Variants in MAP4K4 observed in about 807,000 individuals in gnomAD.
The protein encoded by MAP4K4 is HPK/GCK-like kinase HGK.
MAP4K4 carries 38 observed loss-of-function variants against 189.6 expected under a neutral mutation model. The ratio of observed to expected loss-of-function variants is 0.20; its 90% CI spans 0.15 to 0.26. The LOEUF is 0.26. MAP4K4 is among the 10% of genes least tolerant of loss of function. The pLI is 1.00. For synonymous variants in MAP4K4, 610 were observed against 624.3 expected, an observed-to-expected ratio of 0.98 and a Z score of 0.34; for missense variants, 1,054 against 1,726.9, an observed-to-expected ratio of 0.61 and a Z score of 6.91.
chr2:101,790,796 A>AT lies in MAP4K4; in HGVS notation c.180+25dup. On this transcript the variant is annotated intron_variant, in intron 3 of 32. Coordinates refer to ENST00000324219, the Ensembl canonical transcript of MAP4K4. ...ACTGAGGTAAGATTGAGTCACACACATTTTTAAATAATGTTAGATGGAAGA... is the reference window on the plus strand; with the variant it reads ...ACTGAGGTAAGATTGAGTCACACACATTTTTTAAATAATGTTAGATGGAAGA... 1 of 1,582,778 alleles carries AT rather than the reference A, an allele frequency of 6.3e-7. No individual in the cohort carries two copies. The highest frequency in any genetic ancestry group is 8.7e-7 in the Non-Finnish European group (1 of 1,155,902).
At chr2:101,737,183 T>G (rs1574555582) in intron 2 of MAP4K4, among the ~76,000 whole-genome samples, 1 of 151,908 alleles carries the variant, frequency 6.6e-6, no homozygotes. Flanking sequence ...CAGTCAGGTG[T>G]GTATGTACTT....
chr2:101,881,812 T>C (rs1430093988), intron 27 of MAP4K4, among the ~76,000 whole-genome samples: 3 of 152,240 alleles, frequency 2.0e-5, no homozygotes, highest in Non-Finnish European at 2.9e-5. Flanking sequence ...AGCTTGTTGA[T>C]GTGTGTGGCT....
chr2:101,823,670 G>A lies in MAP4K4; in HGVS notation c.181-258G>A, dbSNP rs56139232. Among the ~76,000 whole-genome samples the A allele has an allele frequency of 4.4e-3, 666 of 152,248 alleles. 7 individuals are homozygous for A. The highest frequency in any genetic ancestry group is 0.016 in the African/African-American group (645 of 41,538). ...GTCACAGTTAGTGGGAGAGCTGGCCGGGCAGTCCCCTCGCACTATCCCTGC... is the reference window on the plus strand; with the variant it reads ...GTCACAGTTAGTGGGAGAGCTGGCCAGGCAGTCCCCTCGCACTATCCCTGC... On this transcript the variant is annotated intron_variant, in intron 3 of 32. Transcript: ENST00000324219.
chr2:101,829,132 A>G (rs942799377), intron 5 of MAP4K4, among the ~76,000 whole-genome samples: 2 of 152,178 alleles, frequency 1.3e-5, no homozygotes, highest in African/African-American at 2.4e-5. Flanking sequence ...GTCTAGTTCA[A>G]ATATGCCCAC....
chr2:101,838,755 A>C (rs1045535157), intron 9 of MAP4K4, among the ~76,000 whole-genome samples: 1 of 152,286 alleles, frequency 6.6e-6, no homozygotes, highest in African/African-American at 2.4e-5. Context: ...ATTGAAAAAA[A>C]GTAAGTTTTA....
intron 2 of MAP4K4, among the ~76,000 whole-genome samples, chr2:101,748,683 A>AAAGGG (rs1378203610): frequency 6.6e-6 from 1 of 152,172 alleles, no homozygotes; most frequent in African/African-American, 2.4e-5. Context: ...AGAAGGAAAT[A>AAAGGG]AAGGGTATTC....
chr2:101,867,154 A>G, intron 19 of MAP4K4, 58 bp from the exon 20 acceptor site: 1 of 1,144,322 alleles, frequency 8.7e-7, no homozygotes, highest in East Asian at 2.5e-5. Context: ...GCAGCTTCAT[A>G]ATACACATCC....
At chr2:101,825,390 A>G in exon 5 of MAP4K4, 1 of 1,613,692 alleles carries the variant, frequency 6.2e-7, no homozygotes, top group Non-Finnish European at 8.5e-7. Flanking sequence ...ACACACTCAA[A>G]GAAGACTGGA....
intron 2 of MAP4K4, among the ~76,000 whole-genome samples, chr2:101,735,976 T>C (rs2060132088): frequency 6.6e-6 from 1 of 152,208 alleles, no homozygotes; most frequent in Admixed American, 6.5e-5. Flanking sequence ...TTCTATTTAC[T>C]GATGGTGTTT....
At chr2:101,881,587 T>TA (rs2098392303) in intron 27 of MAP4K4, among the ~76,000 whole-genome samples, 1 of 152,200 alleles carries the variant, frequency 6.6e-6, no homozygotes, top group South Asian at 2.1e-4. Context: ...AGAAGGGAAA[T>TA]CCTTCACTTG....
chr2:101,840,069 C>A, intron 10 of MAP4K4, 75 bp downstream of exon 10: 1 of 1,408,664 alleles, frequency 7.1e-7, no homozygotes, highest in Non-Finnish European at 9.6e-7. Flanking sequence ...TAGGTCCCTC[C>A]CTTCCCAGCT....
chr2:101,871,627 G>A, exon 24 of MAP4K4: 2 of 1,536,494 alleles, frequency 1.3e-6, no homozygotes, highest in Non-Finnish European at 8.7e-7. Flanking sequence ...CCATCCTCCA[G>A]CCAGCCGACA....
chr2:101,762,306 C>A (rs1453501762), intron 2 of MAP4K4, among the ~76,000 whole-genome samples: 1 of 152,148 alleles, frequency 6.6e-6, no homozygotes. Flanking sequence ...GATGCTTAAT[C>A]GACCCTTAAT....
At chr2:101,729,023 CAG>C (rs2057017181) in intron 2 of MAP4K4, among the ~76,000 whole-genome samples, 1 of 150,634 alleles carries the variant, frequency 6.6e-6, no homozygotes. Context: ...ATGAATGAAA[CAG>C]ATGAAAGCAG....
At chr2:101,808,653 A>G (rs1030438043) in intron 3 of MAP4K4, among the ~76,000 whole-genome samples, 1 of 151,270 alleles carries the variant, frequency 6.6e-6, no homozygotes, top group Non-Finnish European at 1.5e-5. Context: ...TTAAAATTAT[A>G]TTTCTTAATT....
chr2:101,835,672 T>C (rs1425259275), intron 8 of MAP4K4, among the ~76,000 whole-genome samples: 1 of 152,242 alleles, frequency 6.6e-6, no homozygotes, highest in African/African-American at 2.4e-5. Context: ...CAATGTCTTT[T>C]TGAAAATGTA....
At chr2:101,830,455 A>G (rs1282635203) in intron 6 of MAP4K4, among the ~76,000 whole-genome samples, 1 of 152,122 alleles carries the variant, frequency 6.6e-6, no homozygotes, top group East Asian at 1.9e-4. Flanking sequence ...TTTTAAATAG[A>G]GTTTGTATTA....
chr2:101,729,090 G>GAC, intron 2 of MAP4K4, among the ~76,000 whole-genome samples: 1 of 129,760 alleles, frequency 7.7e-6, no homozygotes, highest in Admixed American at 8.0e-5. Context: ...GAGAGAGAGA[G>GAC]AGAGAGAGAG....
chr2:101,757,481 A>G (rs2073489619), intron 2 of MAP4K4, among the ~76,000 whole-genome samples: 1 of 152,210 alleles, frequency 6.6e-6, no homozygotes. Context: ...CCCAGATCAC[A>G]TTTTAAAAAA....
Sources: allele counts gnomAD v4.1 joint callset (sites outside exome capture counted in the v4.1 genomes callset), GRCh38; gene constraint gnomAD v4.1.1; transcripts MANE v1.5; gene names NCBI Gene and HGNC (gene_info 2026-07-23, HGNC 2026-07-21).